The following PBX4 variants were observed in gnomAD, a reference collection of about 807,000 sequenced individuals.
PBX4 encodes PBX homeobox 4.
In PBX4, 26 loss-of-function variants were observed where a neutral mutation model predicts 35.1. That is an observed-to-expected ratio of 0.74 (90% CI 0.54 to 1.03). PBX4 has a LOEUF of 1.03. Among genes scored for constraint, PBX4 ranks in the 50% least tolerant of loss-of-function variants. The pLI, the probability that PBX4 is intolerant of heterozygous loss-of-function variation, is 0.00. For missense variants in PBX4, 448 were observed against 504.3 expected (o/e 0.89, Z 1.07); for synonymous variants, 199 against 204.2 (o/e 0.97, Z 0.22).
chr19:19,582,430 C>A (rs1309585256), intron 2 of PBX4, among the ~76,000 whole-genome samples: 1 of 152,104 alleles, frequency 6.6e-6, no homozygotes, highest in Non-Finnish European at 1.5e-5. Flanking sequence ...AAGAACACAC[C>A]AATAGACACT....
chr19:19,610,461 C>G (rs1263647420), intron 1 of PBX4, among the ~76,000 whole-genome samples: 1 of 151,852 alleles, frequency 6.6e-6, no homozygotes, highest in Non-Finnish European at 1.5e-5. Context: ...AAAAACAACA[C>G]AATTCAAGCT....
chr19:19,603,222 C>T (rs1296616454), intron 1 of PBX4, among the ~76,000 whole-genome samples: 1 of 152,190 alleles, frequency 6.6e-6, no homozygotes, highest in Non-Finnish European at 1.5e-5. Context: ...GCAGTTGTCT[C>T]CATGTGTGTC....
chr19:19,599,422 C>T (rs1416712988), intron 1 of PBX4, 57 bp from the exon 2 acceptor site: 2 of 1,454,988 alleles, frequency 1.4e-6, no homozygotes, highest in Non-Finnish European at 9.6e-7. Flanking sequence ...ATCTTGTCCC[C>T]AAGAGTAAAG....
chr19:19,597,999 C>T (rs1294474032), intron 2 of PBX4, among the ~76,000 whole-genome samples: 1 of 152,134 alleles, frequency 6.6e-6, no homozygotes, highest in Non-Finnish European at 1.5e-5. Context: ...AATGACTGAG[C>T]GCTTCTTAAA....
intron 2 of PBX4, among the ~76,000 whole-genome samples, chr19:19,587,304 T>C (rs2061495782): frequency 6.6e-6 from 1 of 152,136 alleles, no homozygotes; most frequent in African/African-American, 2.4e-5. Context: ...GTTAAAACAG[T>C]AGGCCGGGAG....
intron 1 of PBX4, among the ~76,000 whole-genome samples, chr19:19,602,621 G>A (rs2061604421): frequency 6.6e-6 from 1 of 152,066 alleles, no homozygotes; most frequent in East Asian, 1.9e-4. Flanking sequence ...TTTTTGCAGA[G>A]CTTAAGTCTC....
intron 2 of PBX4, among the ~76,000 whole-genome samples, chr19:19,598,264 C>G (rs904816075): frequency 6.7e-6 from 1 of 149,696 alleles, no homozygotes; most frequent in Non-Finnish European, 1.5e-5. Context: ...ACTCTCTGTA[C>G]TATTTTTTCA....
intron 6 of PBX4, 194 bp downstream of exon 6, chr19:19,564,739 C>A (rs2061330299): frequency 2.9e-6 from 2 of 686,044 alleles, no homozygotes; most frequent in Admixed American, 5.8e-5. Flanking sequence ...CATTCTGTCC[C>A]CAAAGCACAG....
chr19:19,610,917 C>T (rs969066006), intron 1 of PBX4, among the ~76,000 whole-genome samples: 22 of 152,164 alleles, frequency 1.4e-4, no homozygotes, highest in African/African-American at 5.3e-4. Context: ...TTTAGGGATA[C>T]TGAAAAAGAA....
intron 1 of PBX4, among the ~76,000 whole-genome samples, chr19:19,602,588 G>A (rs780543889): frequency 6.6e-6 from 1 of 152,010 alleles, no homozygotes; most frequent in African/African-American, 2.4e-5. Flanking sequence ...GTGCTACCAT[G>A]CCTGGCTAAT....
At chr19:19,600,123 T>C (rs2144772249) in intron 1 of PBX4, among the ~76,000 whole-genome samples, 1 of 149,472 alleles carries the variant, frequency 6.7e-6, no homozygotes, top group South Asian at 2.1e-4. Flanking sequence ...GCCCAGGCAA[T>C]AGAGTGAGAC....
intron 6 of PBX4, 36 bp downstream of exon 6, chr19:19,564,897 G>C (rs1416595432): frequency 3.1e-6 from 5 of 1,613,768 alleles, no homozygotes; most frequent in Admixed American, 3.3e-5. Flanking sequence ...CGTCCACATG[G>C]GTACAGATGA....
intron 2 of PBX4, among the ~76,000 whole-genome samples, chr19:19,574,244 TC>T (rs568632675): frequency 5.9e-5 from 9 of 152,308 alleles, no homozygotes; most frequent in African/African-American, 1.9e-4. Flanking sequence ...TCAGGATACA[TC>T]CCCTTGGGAG....
chr19:19,589,459 C>CA (rs1484831878), intron 2 of PBX4, among the ~76,000 whole-genome samples: 1 of 150,558 alleles, frequency 6.6e-6, no homozygotes, highest in African/African-American at 2.4e-5. Flanking sequence ...TAACTAAAGA[C>CA]AAAGAAAAAG....
intron 2 of PBX4, among the ~76,000 whole-genome samples, chr19:19,597,948 G>C (rs1466328139): frequency 6.6e-6 from 1 of 152,172 alleles, no homozygotes; most frequent in East Asian, 1.9e-4. Context: ...GTCCAATCTA[G>C]AGGAAACATC....
intron 2 of PBX4, among the ~76,000 whole-genome samples, chr19:19,596,362 G>GAATAAATAAATA (rs58051660): frequency 0.018 from 2,698 of 148,982 alleles, 30 homozygotes; most frequent in African/African-American, 0.033. Context: ...AACAGAGTGA[G>GAATAAATAAATA]AATAAATAAA....
intron 5 of PBX4, among the ~76,000 whole-genome samples, chr19:19,566,095 G>A (rs1053799538): frequency 5.3e-5 from 8 of 152,014 alleles, no homozygotes; most frequent in Non-Finnish European, 1.2e-4. Context: ...GGAGGCAGCT[G>A]TTATCGTCCC....
chr19:19,610,521 C>T (rs2061657673), intron 1 of PBX4, among the ~76,000 whole-genome samples: 1 of 152,020 alleles, frequency 6.6e-6, no homozygotes, highest in African/African-American at 2.4e-5. Flanking sequence ...GAATCCGAGG[C>T]GGGATAATCA....
chr19:19,593,147 T>A (rs1478799710), intron 2 of PBX4, among the ~76,000 whole-genome samples: 1 of 152,132 alleles, frequency 6.6e-6, no homozygotes. Context: ...CCCAGGTTGG[T>A]CTCATACTCT....
Sources: gnomAD v4.1 joint callset for allele counts (sites outside exome capture counted in the v4.1 genomes callset) on GRCh38, gnomAD v4.1.1 for gene constraint, MANE v1.5 for transcripts, NCBI Gene and HGNC (gene_info 2026-07-23, HGNC 2026-07-21) for gene names.